Variants in RGS18 observed in about 807,000 individuals in gnomAD.
The protein encoded by RGS18 is regulator of G-protein signaling 18.
RGS18 carries 22 observed loss-of-function variants against 27.6 expected under a neutral mutation model. The observed-to-expected ratio is 0.80, with a 90% CI of 0.57 to 1.14. The LOEUF is 1.14. Among genes scored for constraint, RGS18 ranks in the 50% most tolerant of loss-of-function variants. The pLI is 0.00. For missense variants in RGS18, 299 were observed against 269.6 expected (o/e 1.11, Z -0.76); for synonymous variants, 89 against 84.6 (o/e 1.05, Z -0.29).
Position 192,184,764 on chromosome 1 carries a change from T to C in RGS18, c.*210T>C, listed in dbSNP as rs185193699. 97 of 454,912 alleles carry C rather than the reference T, an allele frequency of 2.1e-4. 2 individuals carry two copies. In the East Asian group the frequency reaches 3.0e-3, roughly 14 times the overall value. The allele number at this position is 454,912 out of a possible 1,614,324, so 28.2% of individuals were successfully genotyped here. A position where few individuals can be genotyped will look rare whatever the true frequency, so the allele number is the denominator to read the frequency against. ...AAACCTTCTATTTGATGTCATTCCA[T>C]TTATAATCAGAAAAAAAACTTATTT... On this transcript the variant is annotated 3_prime_UTR_variant, in exon 5 of 5. Coordinates refer to ENST00000367460, the MANE Select transcript of RGS18 (RefSeq NM_130782.3).
Position 192,184,364 on chromosome 1 carries a change from T to C in RGS18, c.518T>C (p.Phe173Ser). ...ATCACTCAACCTACCCTCCACAGTT[T>C]TGATGCTGCACAAAGCAGAGTGTAT... ...NSITQPTLHSFDAAQSRVYQL... is the reference protein window; with the variant it reads ...NSITQPTLHSSDAAQSRVYQL... The change falls in exon 5 of 5, where the codon TTT (phenylalanine) becomes TCT (serine). Residue 173 changes from phenylalanine to serine, a missense_variant. By Grantham distance (155) the Phe-to-Ser change is radical (BLOSUM62 -2). Transcript: ENST00000367460. 1 of 1,611,762 alleles carries C rather than the reference T, an allele frequency of 6.2e-7. No individual in the cohort carries two copies. The highest frequency in any genetic ancestry group is 8.5e-7 in the Non-Finnish European group (1 of 1,178,518).
rs371550088 is a variant in RGS18, at chr1:192,162,158, ATCACT to A, written c.283+1722_283+1726del. Among the ~76,000 whole-genome samples the A allele has an allele frequency of 4.5e-3, 681 of 152,338 alleles. 4 individuals carry two copies. Among genetic ancestry groups the A allele is most frequent in the African/African-American group, 0.015 (628 of 41,582 alleles). On this transcript the variant is annotated intron_variant, in intron 3 of 4. Transcript: ENST00000367460. ...ATATTTCACTCTAAGACTAGCTACT[ATCACT>A]TCCTGTTTTTGGGAAAAGTAACTTA...
chr1:192,163,496 A>G (rs2102151234), intron 3 of RGS18: 1 of 152,272 alleles, frequency 6.6e-6, no homozygotes, highest in African/African-American at 2.4e-5. Context: ...AGTGGTAAAA[A>G]GCAAAAGGAC....
At chr1:192,171,675 A>G (rs1307779563) in intron 3 of RGS18, among the ~76,000 whole-genome samples, 1 of 152,084 alleles carries the variant, frequency 6.6e-6, no homozygotes, top group Non-Finnish European at 1.5e-5. Flanking sequence ...AGGAATTTCT[A>G]TAGGTTGTCA....
chr1:192,167,368 C>G (rs559490439), intron 3 of RGS18, among the ~76,000 whole-genome samples: 5 of 151,958 alleles, frequency 3.3e-5, no homozygotes, highest in Admixed American at 6.6e-5. Flanking sequence ...AGAATTTCAG[C>G]GCTCTAAAAA....
At chr1:192,173,114 G>T (rs2102156472) in intron 3 of RGS18, among the ~76,000 whole-genome samples, 1 of 151,398 alleles carries the variant, frequency 6.6e-6, no homozygotes, top group South Asian at 2.1e-4. Flanking sequence ...TATTATTCTT[G>T]TTTCATTTTA....
chr1:192,181,109 T>C (rs1656444952), intron 3 of RGS18, among the ~76,000 whole-genome samples, 183 bp from the exon 4 acceptor site: 1 of 151,604 alleles, frequency 6.6e-6, no homozygotes, highest in African/African-American at 2.4e-5. Flanking sequence ...TACTTTCCTT[T>C]TATAGTTGTG....
intron 3 of RGS18, among the ~76,000 whole-genome samples, chr1:192,161,270 G>A (rs1472521471): frequency 6.6e-6 from 1 of 152,182 alleles, no homozygotes; most frequent in Non-Finnish European, 1.5e-5. Flanking sequence ...TTAAGGTGGA[G>A]CTTTGTCTGT....
intron 3 of RGS18, chr1:192,163,282 T>C (rs1213462944): frequency 6.6e-6 from 1 of 152,180 alleles, no homozygotes; most frequent in Non-Finnish European, 1.5e-5. Context: ...GTTTCCAGTC[T>C]AGTTACAACT....
At chr1:192,177,248 A>T (rs1309117902) in intron 3 of RGS18, among the ~76,000 whole-genome samples, 1 of 151,574 alleles carries the variant, frequency 6.6e-6, no homozygotes, top group Non-Finnish European at 1.5e-5. Flanking sequence ...TCACAATAGG[A>T]CACAATTTTG....
At chr1:192,163,164 G>A (rs888007693) in intron 3 of RGS18, 1 of 152,184 alleles carries the variant, frequency 6.6e-6, no homozygotes, top group Non-Finnish European at 1.5e-5. Flanking sequence ...AGGATTAAAT[G>A]AGATGATGAA....
chr1:192,174,876 C>T (rs1426647362), intron 3 of RGS18, among the ~76,000 whole-genome samples: 4 of 151,748 alleles, frequency 2.6e-5, no homozygotes, highest in Non-Finnish European at 5.9e-5. Flanking sequence ...GAATGTTTAG[C>T]TCATTTAAAT....
chr1:192,166,869 T>A (rs538364514), intron 3 of RGS18, among the ~76,000 whole-genome samples: 1 of 152,202 alleles, frequency 6.6e-6, no homozygotes, highest in Non-Finnish European at 1.5e-5. Flanking sequence ...TATGGAAGGC[T>A]GACTTATAGA....
rs765353707 is a variant in RGS18, at chr1:192,165,014, G to A, written c.283+4575G>A. 6.6e-5 allele frequency among the ~76,000 whole-genome samples: 10 copies of A among 152,152 alleles called. No homozygotes were observed. The South Asian group carries it at 8.3e-4, about 13-fold the overall frequency. On this transcript the variant is annotated intron_variant, in intron 3 of 4. Transcript: ENST00000367460. ...CATTAGGTCTGACTGCCTGGGACCC[G>A]GGCAGGACAGTCATATTTCTCTTAT...
intron 3 of RGS18, among the ~76,000 whole-genome samples, chr1:192,173,679 G>A (rs1008391418): frequency 2.6e-5 from 4 of 151,364 alleles, no homozygotes; most frequent in Non-Finnish European, 5.9e-5. Flanking sequence ...TAGGTTTATT[G>A]TTTTTTTAAA....
At chr1:192,165,347 T>C (rs1656146305) in intron 3 of RGS18, among the ~76,000 whole-genome samples, 1 of 152,204 alleles carries the variant, frequency 6.6e-6, no homozygotes, top group Non-Finnish European at 1.5e-5. Context: ...GACTTGAAAC[T>C]TCATCAGAAA....
At chr1:192,170,692 A>G (rs1656240831) in intron 3 of RGS18, among the ~76,000 whole-genome samples, 1 of 152,056 alleles carries the variant, frequency 6.6e-6, no homozygotes, top group Non-Finnish European at 1.5e-5. Flanking sequence ...GACAAGTAAA[A>G]CCATAGACTA....
rs533915820 is a variant in RGS18, at chr1:192,178,736, A to G, written c.284-2556A>G. 7.6e-4 allele frequency among the ~76,000 whole-genome samples: 116 copies of G among 151,752 alleles called. 1 individual carries two copies. The highest frequency in any genetic ancestry group is 2.6e-3 in the African/African-American group (108 of 41,482). Reference sequence around the variant, plus strand: ...CTAAGTGTAGAAAACTTAATCAAAGATTTTATATCTGTAAGGAGAAAAGAT... The same window carrying G: ...CTAAGTGTAGAAAACTTAATCAAAGGTTTTATATCTGTAAGGAGAAAAGAT... On this transcript the variant is annotated intron_variant, in intron 3 of 4. Coordinates refer to ENST00000367460, the MANE Select transcript of RGS18 (RefSeq NM_130782.3).
chr1:192,184,150 AG>A, intron 4 of RGS18, 146 bp from the exon 5 acceptor site: 1 of 644,364 alleles, frequency 1.6e-6, no homozygotes, highest in Non-Finnish European at 2.6e-6. Context: ...ATTAAACATG[AG>A]GTTTGGGCAG....
Sources: allele counts gnomAD v4.1 joint callset (sites outside exome capture counted in the v4.1 genomes callset), GRCh38; gene constraint gnomAD v4.1.1; transcripts MANE v1.5; gene names NCBI Gene and HGNC (gene_info 2026-07-23, HGNC 2026-07-21).